CACNB2: variants seen among roughly 807,000 people sequenced by gnomAD.
The protein encoded by CACNB2 is calcium voltage-gated channel auxiliary subunit beta 2.
A neutral mutation model predicts 73.3 loss-of-function variants in CACNB2; 42 were observed. The ratio of observed to expected loss-of-function variants is 0.57; its 90% CI spans 0.45 to 0.74. The LOEUF is 0.74. Among genes scored for constraint, CACNB2 ranks in the 30% least tolerant of loss-of-function variants. The probability of loss-of-function intolerance (pLI) is 0.00; values close to 1 mark genes in which losing one functional copy is unlikely to be tolerated. For missense variants in CACNB2, 940 were observed against 853.0 expected (o/e 1.10, Z -1.27); for synonymous variants, 348 against 310.3 (o/e 1.12, Z -1.28).
At chr10:18,337,898 G>A (rs528567639) in intron 2 of CACNB2, among the ~76,000 whole-genome samples, 7 of 152,204 alleles carry the variant, frequency 4.6e-5, no homozygotes, top group African/African-American at 1.2e-4. Flanking sequence ...AAACTGGATC[G>A]TTATCTTATA....
intron 2 of CACNB2, among the ~76,000 whole-genome samples, chr10:18,323,274 T>C (rs760025882): frequency 6.6e-6 from 1 of 152,086 alleles, no homozygotes; most frequent in Non-Finnish European, 1.5e-5. Context: ...TTGTTTTTCT[T>C]TATTATTTTT....
At chr10:18,380,642 T>G (rs1214771504) in intron 2 of CACNB2, among the ~76,000 whole-genome samples, 1 of 150,842 alleles carries the variant, frequency 6.6e-6, no homozygotes, top group Non-Finnish European at 1.5e-5. Flanking sequence ...TTTAGTAGAG[T>G]CAGGGTTTCA....
intron 2 of CACNB2, among the ~76,000 whole-genome samples, chr10:18,333,378 G>C (rs1363369982): frequency 6.6e-6 from 1 of 151,730 alleles, no homozygotes; most frequent in East Asian, 1.9e-4. Context: ...GTACAGCTTT[G>C]GGACAAAAGC....
intron 2 of CACNB2, among the ~76,000 whole-genome samples, chr10:18,299,665 C>G (rs916869391): frequency 6.6e-6 from 1 of 151,956 alleles, no homozygotes; most frequent in Non-Finnish European, 1.5e-5. Flanking sequence ...AAGCAGTGAT[C>G]GCACCACTGC....
At chr10:18,314,663 C>A (rs2040090515) in intron 2 of CACNB2, among the ~76,000 whole-genome samples, 1 of 152,108 alleles carries the variant, frequency 6.6e-6, no homozygotes, top group African/African-American at 2.4e-5. Context: ...CATTCAAAAA[C>A]TGTCTGCCAT....
At chr10:18,278,929 A>T (rs1187203660) in intron 2 of CACNB2, among the ~76,000 whole-genome samples, 2 of 152,044 alleles carry the variant, frequency 1.3e-5, no homozygotes, top group African/African-American at 4.8e-5. Flanking sequence ...AGGTGGGAGG[A>T]TCGCTTGAAC....
Position 18,354,322 on chromosome 10 carries a change from C to G in CACNB2, c.214-47602C>G, listed in dbSNP as rs577397235. On this transcript the variant is annotated intron_variant, in intron 2 of 13. Transcript: ENST00000324631. ...TGCTTGCCTGTCTTGGGAAGAGTCT[C>G]CTTGGTGAGGTCCTATGAGAACTTT... Among the ~76,000 whole-genome samples the G allele has an allele frequency of 3.0e-4, 46 of 152,234 alleles. 1 individual carries two copies. The highest frequency in any genetic ancestry group is 1.3e-4 in the Non-Finnish European group (9 of 68,010).
At chr10:18,222,978 G>C (rs770910990) in intron 2 of CACNB2, among the ~76,000 whole-genome samples, 14 of 152,232 alleles carry the variant, frequency 9.2e-5, no homozygotes, top group Middle Eastern at 3.4e-3. Context: ...TCAAAAGTAA[G>C]CTTTCATTCC....
intron 2 of CACNB2, among the ~76,000 whole-genome samples, chr10:18,168,159 G>C (rs966534785): frequency 2.0e-5 from 3 of 152,150 alleles, no homozygotes; most frequent in African/African-American, 7.2e-5. Context: ...GATGGCTCAT[G>C]CCTGTAATCA....
chr10:18,383,566 C>T (rs150050791), intron 2 of CACNB2, among the ~76,000 whole-genome samples: 158 of 152,242 alleles, frequency 1.0e-3, no homozygotes, highest in African/African-American at 3.7e-3. Context: ...GTGACAGAGG[C>T]AACACAAATC....
intron 3 of CACNB2, among the ~76,000 whole-genome samples, chr10:18,436,656 T>C (rs555874323): frequency 7.2e-4 from 109 of 152,276 alleles, no homozygotes; most frequent in African/African-American, 2.4e-3. Context: ...CCTGAAAAAA[T>C]AATCAGAGGT....
chr10:18,456,048 T>C (rs1383015890), intron 3 of CACNB2, among the ~76,000 whole-genome samples: 1 of 152,204 alleles, frequency 6.6e-6, no homozygotes, highest in Non-Finnish European at 1.5e-5. Context: ...CTTGCCTTTT[T>C]TTCCATTTCC....
chr10:18,409,175 T>C (rs1157463564), intron 3 of CACNB2, among the ~76,000 whole-genome samples: 2 of 152,150 alleles, frequency 1.3e-5, no homozygotes, highest in Non-Finnish European at 2.9e-5. Context: ...GTTGTGCATC[T>C]GTAAGCCCAG....
intron 2 of CACNB2, among the ~76,000 whole-genome samples, chr10:18,376,757 G>T (rs1245853675): frequency 2.0e-5 from 3 of 152,118 alleles, no homozygotes; most frequent in African/African-American, 7.2e-5. Context: ...CTTAAGGCTG[G>T]CATCTTCCCA....
At chr10:18,261,436 G>A in intron 2 of CACNB2, 1 of 1,356,312 alleles carries the variant, frequency 7.4e-7, no homozygotes, top group Admixed American at 2.0e-5. Flanking sequence ...CCAGACAGTC[G>A]ATCATTTCGT....
At chr10:18,288,695 A>ACG (rs1310518900) in intron 2 of CACNB2, among the ~76,000 whole-genome samples, 2 of 151,884 alleles carry the variant, frequency 1.3e-5, no homozygotes, top group Non-Finnish European at 2.9e-5. Context: ...ACACACACAC[A>ACG]CACACACACA....
At chr10:18,510,664 C>A (rs1369940094) in intron 6 of CACNB2, among the ~76,000 whole-genome samples, 1 of 152,164 alleles carries the variant, frequency 6.6e-6, no homozygotes, top group East Asian at 1.9e-4. Context: ...ATTCAATGGG[C>A]AAATCACAAA....
chr10:18,350,168 C>G (rs1404168950), intron 2 of CACNB2, among the ~76,000 whole-genome samples: 1 of 152,100 alleles, frequency 6.6e-6, no homozygotes, highest in African/African-American at 2.4e-5. Flanking sequence ...TCGCTTGAAC[C>G]CAGGAGATGG....
chr10:18,536,434 T>C (rs117995836), intron 12 of CACNB2, among the ~76,000 whole-genome samples: 2 of 151,552 alleles, frequency 1.3e-5, no homozygotes, highest in Non-Finnish European at 2.9e-5. Flanking sequence ...AACTTTTTTT[T>C]TTCCCCCTGT....
Sources: allele counts gnomAD v4.1 joint callset (sites outside exome capture counted in the v4.1 genomes callset), GRCh38; gene constraint gnomAD v4.1.1; transcripts MANE v1.5; gene names NCBI Gene and HGNC (gene_info 2026-07-23, HGNC 2026-07-21).